The following RXRB variants were observed in gnomAD, a reference collection of about 807,000 sequenced individuals.
RXRB encodes the protein retinoid X receptor beta.
In RXRB, 18 loss-of-function variants were observed where a neutral mutation model predicts 52.5. That is an observed-to-expected ratio of 0.34 (90% CI 0.24 to 0.51). The LOEUF (loss-of-function observed/expected upper bound fraction) is 0.51. Ranked by LOEUF, RXRB falls within the 20% of genes least tolerant of loss-of-function variation. The pLI is 0.97. For missense variants in RXRB, 455 were observed against 698.2 expected, an observed-to-expected ratio of 0.65 and a Z score of 3.92; for synonymous variants, 233 against 267.1, an observed-to-expected ratio of 0.87 and a Z score of 1.25.
Position 33,200,120 on chromosome 6 carries a change from G to A in RXRB, c.235+122C>T, listed in dbSNP as rs1198563914. The stretch of plus-strand genomic sequence containing the variant: ...GGTGCTAAGGCCCTCGGGAGGGAGG[G>A]GACGCGTGTTTACAAACAAGGGGGC... On this transcript the variant is annotated intron_variant, in intron 1 of 9. Transcript: ENST00000374680. The surrounding 1 kb of genome is among the most constrained non-coding windows in gnomAD (Gnocchi z 6.3). 3.0e-6 allele frequency: 4 copies of A among 1,347,982 alleles called. No individual in the cohort carries two copies. The highest frequency in any genetic ancestry group is 2.3e-5 in the East Asian group (1 of 43,298). 83.5% of individuals were successfully genotyped at this position (1,347,982 alleles called of 1,614,324 possible).
chr6:33,199,538 C>T (rs1294986058), intron 1 of RXRB, 122 bp from the exon 2 acceptor site: 3 of 728,846 alleles, frequency 4.1e-6, no homozygotes, highest in Admixed American at 7.3e-5. Flanking sequence ...CGTGCCGGAC[C>T]CAGCCCACTC....
At position 33,200,346 on chromosome 6, in the gene RXRB, T is replaced by C; in HGVS notation, c.131A>G (p.Asp44Gly). The C allele has an allele frequency of 6.3e-7, 1 of 1,580,404 alleles. No homozygotes were observed. Among genetic ancestry groups the C allele is most frequent in the Non-Finnish European group, 8.6e-7 (1 of 1,166,268 alleles). Residue 44 changes from aspartate to glycine, a missense_variant, in exon 1 of 10, where the codon GAT becomes GGT. Physicochemically the swap from Asp to Gly is moderately conservative, Grantham distance 94. Transcript: ENST00000374680. The surrounding 1 kb of genome is among the most constrained non-coding windows in gnomAD (Gnocchi z 6.3). Reference sequence around the variant, plus strand: ...CGCCGCCGCCGCCGCCGCTGCGGGATCCAGCCAGGGCCGTCGCCGCCGCCA... The same window carrying C: ...CGCCGCCGCCGCCGCCGCTGCGGGACCCAGCCAGGGCCGTCGCCGCCGCCA... ...SRWRRRRPWL[D>G]PAAAAAAAVA...
At position 33,200,373 on chromosome 6, in the gene RXRB, C is replaced by G. The variant is rs562015598; in HGVS notation, c.104G>C (p.Arg35Pro). Residue 35 changes from arginine to proline, a missense_variant, in exon 1 of 10, where the codon CGG (arginine) becomes CCG (proline). Physicochemically the swap from Arg to Pro is moderately radical, Grantham distance 103. Transcript: ENST00000374680. This position sits in a 1 kb window ranked among gnomAD's most constrained non-coding sequence, Gnocchi z 6.3. ...RKEMHCGVAS[R>P]WRRRRPWLDP... ...CAGCCAGGGCCGTCGCCGCCGCCAC[C>G]GGGACGCGACCCCACAATGCATTTC... 215 of 1,563,100 alleles carry G rather than the reference C, an allele frequency of 1.4e-4. No individual in the cohort carries two copies. Among genetic ancestry groups the G allele is most frequent in the Non-Finnish European group, 1.7e-4 (197 of 1,156,488 alleles).
chr6:33,195,191 C>T lies in RXRB; in HGVS notation c.1349-141G>A, dbSNP rs1038763637. 68 of 776,774 alleles carry T rather than the reference C, an allele frequency of 8.8e-5. No homozygotes were observed. The highest frequency in any genetic ancestry group is 1.1e-4 in the Non-Finnish European group (52 of 456,976). The allele number at this position is 776,774 out of a possible 1,614,324, so 48.1% of individuals were successfully genotyped here. A position where few individuals can be genotyped will look rare whatever the true frequency, so the allele number is the denominator to read the frequency against. ...AGAGGCCTGGCAAGGGAAGCAGGGC[C>T]CACTGGGTTTGTGGGATGGATCCGT... On this transcript the variant is annotated intron_variant, in intron 8 of 9. Transcript: ENST00000374680. This position sits in a 1 kb window ranked among gnomAD's most constrained non-coding sequence, Gnocchi z 8.6.
Position 33,196,170 on chromosome 6 carries a change from GTCTTC to G in RXRB, c.994-139_994-135del. ...CATCCAAACCAATCCCTGTAAGTGA[GTCTTC>G]TCTTCTGGCATTAGTGCAAACAATT... is the stretch of plus-strand genomic sequence containing the variant. On this transcript the variant is annotated intron_variant, in intron 5 of 9. Coordinates refer to ENST00000374680, the MANE Select transcript of RXRB (RefSeq NM_021976.5). This position sits in a 1 kb window ranked among gnomAD's most constrained non-coding sequence, Gnocchi z 4.0. 1 of 1,152,180 alleles carries G rather than the reference GTCTTC, an allele frequency of 8.7e-7. No individual in the cohort carries two copies. The highest frequency in any genetic ancestry group is 1.3e-6 in the Non-Finnish European group (1 of 789,372). 71.4% of individuals were successfully genotyped at this position (1,152,180 alleles called of 1,614,324 possible).
At chr6:33,199,671 C>T (rs1232916865) in intron 1 of RXRB, 4 of 483,772 alleles carry the variant, frequency 8.3e-6, no homozygotes, top group African/African-American at 7.7e-5. Flanking sequence ...ATACAACCTC[C>T]CACTGCTATA....
Position 33,198,407 on chromosome 6 carries a change from G to T in RXRB, c.541C>A (p.Pro181Thr). Residue 181 changes from proline (P) to threonine (T), a missense_variant, in exon 3 of 10, where the codon CCA (proline) becomes ACA (threonine). Pro to Thr is a conservative substitution (Grantham distance 38, BLOSUM62 -1). Coordinates refer to ENST00000374680, the MANE Select transcript of RXRB (RefSeq NM_021976.5). ...AGGCCCCGGACCCCTAAGACTGGTG[G>T]CTTCACATCTTCAGGGGGGCCAGAC... ...GGSGPPEDVK[P>T]PVLGVRGLHC... 1 of 1,612,226 alleles carries T rather than the reference G, an allele frequency of 6.2e-7. No homozygotes were observed. The highest frequency in any genetic ancestry group is 8.5e-7 in the Non-Finnish European group (1 of 1,179,500).
At position 33,195,146 on chromosome 6, in the gene RXRB, G is replaced by T. The variant is rs1773800275; in HGVS notation, c.1349-96C>A. ...AGCCACAGGATGCCCCTTTTGGGCTGCACTTGCTTGCCCTTTACCAGAGGC... is the reference window on the plus strand; with the variant it reads ...AGCCACAGGATGCCCCTTTTGGGCTTCACTTGCTTGCCCTTTACCAGAGGC... On this transcript the variant is annotated intron_variant, in intron 8 of 9. Transcript: ENST00000374680. This position sits in a 1 kb window ranked among gnomAD's most constrained non-coding sequence, Gnocchi z 8.6. The T allele has an allele frequency of 6.4e-6, 6 of 939,184 alleles. No homozygotes were observed. The South Asian group carries it at 8.3e-5, about 13-fold the overall frequency. The allele number at this position is 939,184 out of a possible 1,614,324, so 58.2% of individuals were successfully genotyped here.
chr6:33,196,177 C>A lies in RXRB; in HGVS notation c.994-141G>T. 1 of 1,104,666 alleles carries A rather than the reference C, an allele frequency of 9.1e-7. No homozygotes were observed. Among genetic ancestry groups the A allele is most frequent in the South Asian group, 1.4e-5 (1 of 71,824 alleles). The allele number at this position is 1,104,666 out of a possible 1,614,324, so 68.4% of individuals were successfully genotyped here. On this transcript the variant is annotated intron_variant, in intron 5 of 9. Transcript: ENST00000374680. The surrounding 1 kb of genome is among the most constrained non-coding windows in gnomAD (Gnocchi z 4.0). ...ACCAATCCCTGTAAGTGAGTCTTCT[C>A]TTCTGGCATTAGTGCAAACAATTAT...
In RXRB at chr6:33,194,468, G is replaced by A. The variant is rs903520094; in HGVS notation, c.*214C>T. 1.5e-5 allele frequency: 8 copies of A among 531,220 alleles called. No homozygotes were observed. The highest frequency in any genetic ancestry group is 3.0e-5 in the East Asian group (1 of 32,844). 32.9% of individuals were successfully genotyped at this position (531,220 alleles called of 1,614,324 possible). A position where few individuals can be genotyped will look rare whatever the true frequency, so the allele number is the denominator to read the frequency against. On this transcript the variant is annotated 3_prime_UTR_variant, in exon 10 of 10. Coordinates refer to ENST00000374680, the MANE Select transcript of RXRB (RefSeq NM_021976.5). This position sits in a 1 kb window ranked among gnomAD's most constrained non-coding sequence, Gnocchi z 4.1. ...ACAAATTCAGAGACTCAAGGCCACC[G>A]AAGAGAGACAACCAGTCCTCACAGG...
At position 33,194,467 on chromosome 6, in the gene RXRB, C is replaced by A. The variant is rs938910945; in HGVS notation, c.*215G>T. 27 of 530,896 alleles carry A rather than the reference C, an allele frequency of 5.1e-5. No homozygotes were observed. Among genetic ancestry groups the A allele is most frequent in the Non-Finnish European group, 7.2e-5 (22 of 303,936 alleles). 32.9% of individuals were successfully genotyped at this position (530,896 alleles called of 1,614,324 possible). ...GACAAATTCAGAGACTCAAGGCCAC[C>A]GAAGAGAGACAACCAGTCCTCACAG... On this transcript the variant is annotated 3_prime_UTR_variant, in exon 10 of 10. Transcript: ENST00000374680. The surrounding 1 kb of genome is among the most constrained non-coding windows in gnomAD (Gnocchi z 4.1).
In RXRB at chr6:33,194,879, C is replaced by A. The variant is rs771017007; in HGVS notation, c.1455-50G>T. On this transcript the variant is annotated intron_variant, in intron 9 of 9. Coordinates refer to ENST00000374680, the MANE Select transcript of RXRB (RefSeq NM_021976.5). This position sits in a 1 kb window ranked among gnomAD's most constrained non-coding sequence, Gnocchi z 4.1. ...ATTGAGAGCTGGAAGCACACGGGCC[C>A]TGAACACATCCTCATAGCACTCCCC... 1.2e-6 allele frequency: 2 copies of A among 1,612,022 alleles called. No individual in the cohort carries two copies. Among genetic ancestry groups the A allele is most frequent in the South Asian group, 1.1e-5 (1 of 91,010 alleles).
At position 33,196,391 on chromosome 6, in the gene RXRB, C is replaced by T. The variant is rs1159421471; in HGVS notation, c.993+43G>A. On this transcript the variant is annotated intron_variant, in intron 5 of 9. Coordinates refer to ENST00000374680, the MANE Select transcript of RXRB (RefSeq NM_021976.5). This position sits in a 1 kb window ranked among gnomAD's most constrained non-coding sequence, Gnocchi z 4.0. ...TAGAACAGACCTAGACTGCCTCCCC[C>T]AACCCCCATCACGAAGGAGAGTGGA... 1.3e-6 allele frequency: 2 copies of T among 1,595,902 alleles called. No homozygotes were observed. The highest frequency in any genetic ancestry group is 1.3e-5 in the African/African-American group (1 of 74,542).
Position 33,197,953 on chromosome 6 carries a change from G to A in RXRB, c.641-12C>T, listed in dbSNP as rs1363573652. 1 of 1,611,564 alleles carries A rather than the reference G, an allele frequency of 6.2e-7. No homozygotes were observed. The highest frequency in any genetic ancestry group is 8.5e-7 in the Non-Finnish European group (1 of 1,179,068). On this transcript the variant is annotated splice_polypyrimidine_tract_variant and intron_variant, in intron 3 of 9. Coordinates refer to ENST00000374680, the MANE Select transcript of RXRB (RefSeq NM_021976.5). This position sits in a 1 kb window ranked among gnomAD's most constrained non-coding sequence, Gnocchi z 4.4. The stretch of plus-strand genomic sequence containing the variant: ...CCCGTAGTGTTTGCCTACAGGGAAA[G>A]GGGAGGAGCAATAAGAAGGTTGCAT...
In RXRB at chr6:33,197,351, C is replaced by T. The variant is rs1435585707; in HGVS notation, c.820+411G>A. On this transcript the variant is annotated intron_variant, in intron 4 of 9. Coordinates refer to ENST00000374680, the MANE Select transcript of RXRB (RefSeq NM_021976.5). The surrounding 1 kb of genome is among the most constrained non-coding windows in gnomAD (Gnocchi z 4.4). ...GAGACACAGAAGAAGGAAGGGAAGC[C>T]CTGAGGTCTTCAGTAAAGTCTGTAA... Among the ~76,000 whole-genome samples, 1 of 152,110 alleles carries T rather than the reference C, an allele frequency of 6.6e-6. No individual in the cohort carries two copies. Among genetic ancestry groups the T allele is most frequent in the Non-Finnish European group, 1.5e-5 (1 of 68,012 alleles).
chr6:33,200,112 G>C lies in RXRB; in HGVS notation c.235+130C>G. The stretch of plus-strand genomic sequence containing the variant: ...GGGGGGAGGGTGCTAAGGCCCTCGG[G>C]AGGGAGGGGACGCGTGTTTACAAAC... On this transcript the variant is annotated intron_variant, in intron 1 of 9. Transcript: ENST00000374680. The surrounding 1 kb of genome is among the most constrained non-coding windows in gnomAD (Gnocchi z 6.3). 1 of 1,297,718 alleles carries C rather than the reference G, an allele frequency of 7.7e-7. No homozygotes were observed. The highest frequency in any genetic ancestry group is 2.3e-5 in the East Asian group (1 of 43,092). 80.4% of individuals were successfully genotyped at this position (1,297,718 alleles called of 1,614,324 possible).
rs765621405 is a variant in RXRB at position 33,194,810 on chromosome 6, G to A, written c.1474C>T (p.Arg492Cys). 5 of 1,613,004 alleles carry A rather than the reference G, an allele frequency of 3.1e-6. No individual in the cohort carries two copies. Among genetic ancestry groups the A allele is most frequent in the Non-Finnish European group, 4.2e-6 (5 of 1,180,010 alleles). Residue 492 changes from arginine to cysteine, a missense_variant, in exon 10 of 10, where the codon CGT becomes TGT. Transcript: ENST00000374680. This position sits in a 1 kb window ranked among gnomAD's most constrained non-coding sequence, Gnocchi z 4.1. The stretch of plus-strand genomic sequence containing the variant: ...CCAATGGACCGGAGGGCAGGAAGAC[G>A]TAGCAGCAGCTTGGCAAACCTGGGG... ...QQGRFAKLLL[R>C]LPALRSIGLK...
chr6:33,200,282 T>A lies in RXRB; in HGVS notation c.195A>T (p.Pro65=), dbSNP rs1774379241. Residue 65 remains proline (P), a synonymous_variant, in exon 1 of 10, where the codon CCA becomes CCT. Coordinates refer to ENST00000374680, the MANE Select transcript of RXRB (RefSeq NM_021976.5). The surrounding 1 kb of genome is among the most constrained non-coding windows in gnomAD (Gnocchi z 6.3). ...CCATCCCGTCCCGTCCAGCCTCCCC[T>A]GGCTCCGGCTCCGGGGTTTGTTGTT... is the stretch of plus-strand genomic sequence containing the variant. ...GGEQQTPEPE[P]GEAGRDGMGD... The A allele has an allele frequency of 1.2e-6, 2 of 1,606,458 alleles. No individual in the cohort carries two copies. Among genetic ancestry groups the A allele is most frequent in the Non-Finnish European group, 1.7e-6 (2 of 1,178,724 alleles).
chr6:33,200,710 A>G, upstream of RXRB: 1 of 1,546,364 alleles, frequency 6.5e-7, no homozygotes, highest in Admixed American at 2.0e-5. This position sits in a 1 kb window ranked among gnomAD's most constrained non-coding sequence, Gnocchi z 6.3. Context: ...TTGGAAACCG[A>G]GGAGGCGGTC....
Sources: allele counts gnomAD v4.1 joint callset (sites outside exome capture counted in the v4.1 genomes callset), GRCh38; gene constraint gnomAD v4.1.1; non-coding constraint Gnocchi (gnomAD v3.1); transcripts MANE v1.5; gene names NCBI Gene and HGNC (gene_info 2026-07-23, HGNC 2026-07-21).